CLMP: variants seen among roughly 807,000 people sequenced by gnomAD.
The protein encoded by CLMP is CXADR like cell adhesion molecule.
In CLMP, 27 loss-of-function variants were observed where a neutral mutation model predicts 45.2. The observed-to-expected ratio is 0.60, with a 90% confidence interval of 0.44 to 0.82. The LOEUF is 0.82. Among genes scored for constraint, CLMP ranks in the 40% least tolerant of loss-of-function variants. The pLI is 0.00. For missense variants in CLMP, 403 were observed against 448.4 expected, an observed-to-expected ratio of 0.90 and a Z score of 0.91; for synonymous variants, 167 against 171.4, an observed-to-expected ratio of 0.97 and a Z score of 0.20.
intron 1 of CLMP, among the ~76,000 whole-genome samples, chr11:123,110,901 A>G (rs1860629662): frequency 6.6e-6 from 1 of 152,194 alleles, no homozygotes; most frequent in Non-Finnish European, 1.5e-5. Context: ...TACTGGAGTC[A>G]TTCAAATGAG....
intron 1 of CLMP, among the ~76,000 whole-genome samples, chr11:123,133,020 C>T (rs1258278793): frequency 7.9e-5 from 12 of 152,220 alleles, no homozygotes; most frequent in Admixed American, 6.5e-4. Context: ...CTGCCTGCCT[C>T]GGCCTCCCAA....
rs1476376157 is a variant in CLMP at position 123,083,866 on chromosome 11, A to G, written c.389-19T>C. 1.2e-6 allele frequency: 2 copies of G among 1,611,708 alleles called. No homozygotes were observed. The highest frequency in any genetic ancestry group is 2.2e-5 in the South Asian group (2 of 90,960). On this transcript the variant is annotated intron_variant, in intron 3 of 6. Transcript: ENST00000448775. The stretch of plus-strand genomic sequence containing the variant: ...GGTCTCACTGGCAACAGCAACAACA[A>G]GCAAAAGTGTAGTGATTCAAAGATC...
intron 1 of CLMP, among the ~76,000 whole-genome samples, chr11:123,120,594 G>A (rs1860801086): frequency 6.6e-6 from 1 of 152,104 alleles, no homozygotes; most frequent in Non-Finnish European, 1.5e-5. Context: ...ATTAAATGAT[G>A]ATTATTAAAG....
chr11:123,186,003 C>G (rs2135550868), intron 1 of CLMP, among the ~76,000 whole-genome samples: 1 of 152,256 alleles, frequency 6.6e-6, no homozygotes, highest in African/African-American at 2.4e-5. Flanking sequence ...CTCTCAGTGG[C>G]CTCCTGTCTG....
chr11:123,140,207 G>T (rs528220277), intron 1 of CLMP, among the ~76,000 whole-genome samples: 1 of 152,332 alleles, frequency 6.6e-6, no homozygotes, highest in East Asian at 1.9e-4. Context: ...CTAAAGCGTA[G>T]TTATCTGGGT....
intron 2 of CLMP, among the ~76,000 whole-genome samples, chr11:123,096,229 C>T (rs766231904): frequency 1.3e-5 from 2 of 152,122 alleles, no homozygotes; most frequent in African/African-American, 4.8e-5. Flanking sequence ...TGGTGGATGC[C>T]TGTAATCCCA....
chr11:123,107,624 G>A (rs1193349737), intron 1 of CLMP, among the ~76,000 whole-genome samples: 1 of 148,856 alleles, frequency 6.7e-6, no homozygotes, highest in Non-Finnish European at 1.5e-5. Flanking sequence ...CTCCCGCCTC[G>A]GCCTCTGAAA....
At chr11:123,136,200 A>G in intron 1 of CLMP, 1 of 641,906 alleles carries the variant, frequency 1.6e-6, no homozygotes, top group Non-Finnish European at 3.0e-6. Flanking sequence ...AATCCTGCAA[A>G]CCAGCCAGGA....
intron 1 of CLMP, among the ~76,000 whole-genome samples, chr11:123,146,945 C>T (rs1030880566): frequency 3.9e-5 from 6 of 152,170 alleles, no homozygotes; most frequent in African/African-American, 4.8e-5. Flanking sequence ...TTTGATCCCT[C>T]GCTCTTCCTT....
intron 1 of CLMP, among the ~76,000 whole-genome samples, chr11:123,187,201 A>T (rs1170630774): frequency 6.6e-6 from 1 of 152,132 alleles, no homozygotes; most frequent in Non-Finnish European, 1.5e-5. Context: ...TTTCAAGTAG[A>T]CAAGCCTGGC....
chr11:123,113,532 C>T (rs900668855), intron 1 of CLMP, among the ~76,000 whole-genome samples: 17 of 152,112 alleles, frequency 1.1e-4, no homozygotes, highest in Non-Finnish European at 2.9e-5. Flanking sequence ...CAGGCGATGA[C>T]CTTCCAGACT....
intron 1 of CLMP, among the ~76,000 whole-genome samples, 171 bp from the exon 2 acceptor site, chr11:123,098,123 C>T (rs1866012098): frequency 6.6e-6 from 1 of 152,130 alleles, no homozygotes; most frequent in Non-Finnish European, 1.5e-5. Flanking sequence ...CTGGCTCCTC[C>T]GTTAACTGAA....
intron 5 of CLMP, among the ~76,000 whole-genome samples, chr11:123,076,028 CT>C (rs1219127875): frequency 6.6e-6 from 1 of 152,084 alleles, no homozygotes; most frequent in African/African-American, 2.4e-5. Context: ...CAAAAGTTAT[CT>C]GGGCATGGTG....
At chr11:123,144,767 G>A (rs1012740827) in intron 1 of CLMP, among the ~76,000 whole-genome samples, 1 of 152,224 alleles carries the variant, frequency 6.6e-6, no homozygotes, top group Non-Finnish European at 1.5e-5. Flanking sequence ...CAGAGTTTTT[G>A]AAGTGCAGGG....
chr11:123,089,434 T>A (rs1865901077), intron 2 of CLMP, among the ~76,000 whole-genome samples: 1 of 151,812 alleles, frequency 6.6e-6, no homozygotes, highest in Non-Finnish European at 1.5e-5. Flanking sequence ...CATGAGTATA[T>A]GTGCAGTATG....
At chr11:123,157,162 G>A (rs564804443) in intron 1 of CLMP, among the ~76,000 whole-genome samples, 1 of 152,302 alleles carries the variant, frequency 6.6e-6, no homozygotes, top group East Asian at 1.9e-4. Context: ...TAGGACATCA[G>A]ATGTAACCTT....
At chr11:123,082,978 G>C in intron 5 of CLMP, 107 bp downstream of exon 5, 1 of 1,358,098 alleles carries the variant, frequency 7.4e-7, no homozygotes, top group Non-Finnish European at 1.0e-6. Flanking sequence ...TGGAGATAAA[G>C]ATTTTGACCT....
At chr11:123,138,930 C>A (rs569700441) in intron 1 of CLMP, among the ~76,000 whole-genome samples, 16 of 152,260 alleles carry the variant, frequency 1.1e-4, no homozygotes, top group African/African-American at 3.6e-4. Flanking sequence ...TCTGGTATTA[C>A]AGGGCGTGAG....
intron 1 of CLMP, among the ~76,000 whole-genome samples, chr11:123,130,844 T>A (rs1305065197): frequency 7.2e-6 from 1 of 138,062 alleles, no homozygotes; most frequent in Admixed American, 7.2e-5. Context: ...TCTTTTCCTT[T>A]TTTTTTTTTT....
Sources: allele counts gnomAD v4.1 joint callset (sites outside exome capture counted in the v4.1 genomes callset), GRCh38; gene constraint gnomAD v4.1.1; transcripts MANE v1.5; gene names NCBI Gene and HGNC (gene_info 2026-07-23, HGNC 2026-07-21).